The following SUPT3H variants were observed in gnomAD, a reference collection of about 807,000 sequenced individuals.
SUPT3H encodes the protein transcription initiation protein SPT3 homolog.
Under a neutral mutation model 44.3 loss-of-function variants are expected in SUPT3H, and 44 were observed. That is an observed-to-expected ratio of 0.99 (90% CI 0.78 to 1.28). SUPT3H has a LOEUF of 1.28. Ranked by LOEUF, SUPT3H falls within the 50% of genes most tolerant of loss-of-function variation. The pLI is 0.00. For synonymous variants in SUPT3H, 124 were observed against 125.6 expected, an observed-to-expected ratio of 0.99 and a Z score of 0.09; for missense variants, 380 against 387.1, an observed-to-expected ratio of 0.98 and a Z score of 0.15.
intron 2 of SUPT3H, among the ~76,000 whole-genome samples, chr6:45,124,492 A>G (rs1802130469): frequency 6.6e-6 from 1 of 151,890 alleles, no homozygotes; most frequent in South Asian, 2.1e-4. Flanking sequence ...TAAAAATACA[A>G]AAATTAGCTG....
At chr6:45,024,743 T>G (rs1785697058) in intron 3 of SUPT3H, among the ~76,000 whole-genome samples, 1 of 152,148 alleles carries the variant, frequency 6.6e-6, no homozygotes, top group South Asian at 2.1e-4. Context: ...TGGATGAGAT[T>G]AACAGTTCAA....
chr6:45,088,699 C>T (rs1796776350), intron 3 of SUPT3H, among the ~76,000 whole-genome samples: 1 of 151,988 alleles, frequency 6.6e-6, no homozygotes, highest in Non-Finnish European at 1.5e-5. Flanking sequence ...AGGGGAGTCA[C>T]ATCTAGAACA....
chr6:45,061,133 A>G (rs1310616432), intron 3 of SUPT3H, among the ~76,000 whole-genome samples: 1 of 152,210 alleles, frequency 6.6e-6, no homozygotes, highest in African/African-American at 2.4e-5. Context: ...TCAATTATAA[A>G]GATACATGCA....
chr6:45,177,491 C>T (rs1812187858), intron 2 of SUPT3H, among the ~76,000 whole-genome samples: 1 of 152,204 alleles, frequency 6.6e-6, no homozygotes. Flanking sequence ...TTGGAAAACA[C>T]TCTGCAGGAT....
At chr6:45,219,146 GA>G (rs538200297) in intron 2 of SUPT3H, among the ~76,000 whole-genome samples, 13 of 150,772 alleles carry the variant, frequency 8.6e-5, no homozygotes, top group African/African-American at 2.9e-4. Flanking sequence ...GCTTACATTA[GA>G]AAAAAAAGTC....
At chr6:45,333,326 A>G (rs1787895834) in intron 2 of SUPT3H, among the ~76,000 whole-genome samples, 1 of 151,576 alleles carries the variant, frequency 6.6e-6, no homozygotes, top group Non-Finnish European at 1.5e-5. Flanking sequence ...TGTCCATTCA[A>G]CAGCACATAC....
chr6:45,326,506 G>A (rs1786368590), intron 2 of SUPT3H, among the ~76,000 whole-genome samples: 1 of 151,830 alleles, frequency 6.6e-6, no homozygotes, highest in Non-Finnish European at 1.5e-5. Context: ...ACCTTTCAAT[G>A]TAAAATCTGT....
chr6:44,856,224 T>C (rs1445163365), intron 10 of SUPT3H, among the ~76,000 whole-genome samples: 1 of 152,170 alleles, frequency 6.6e-6, no homozygotes, highest in Admixed American at 6.5e-5. Flanking sequence ...ATGGTGTTTA[T>C]CTTTCAACAA....
intron 2 of SUPT3H, among the ~76,000 whole-genome samples, chr6:45,245,479 T>C (rs1771178215): frequency 6.6e-6 from 1 of 152,116 alleles, no homozygotes; most frequent in Non-Finnish European, 1.5e-5. Context: ...GGTAATCTAC[T>C]TTCTGTCACT....
intron 9 of SUPT3H, among the ~76,000 whole-genome samples, chr6:44,949,035 T>C (rs1255829808): frequency 5.9e-5 from 9 of 152,192 alleles, no homozygotes; most frequent in Admixed American, 5.9e-4. Flanking sequence ...ATGTGGCACA[T>C]ATACACCATG....
At chr6:44,984,015 T>C (rs1779443922) in intron 6 of SUPT3H, among the ~76,000 whole-genome samples, 1 of 152,208 alleles carries the variant, frequency 6.6e-6, no homozygotes, top group East Asian at 1.9e-4. Context: ...ATATATGGCA[T>C]ATTATGAATA....
intron 3 of SUPT3H, among the ~76,000 whole-genome samples, chr6:45,039,913 G>T (rs890414495): frequency 8.6e-5 from 13 of 151,882 alleles, no homozygotes; most frequent in African/African-American, 3.1e-4. Flanking sequence ...TGCACAAGAT[G>T]TTCCAGATTA....
chr6:44,991,989 G>A (rs909021452), intron 6 of SUPT3H, among the ~76,000 whole-genome samples: 1 of 152,072 alleles, frequency 6.6e-6, no homozygotes, highest in Non-Finnish European at 1.5e-5. Flanking sequence ...TGGGTAAGGA[G>A]AAAGAATAGG....
At chr6:45,177,082 T>G (rs946771274) in intron 2 of SUPT3H, among the ~76,000 whole-genome samples, 106 of 150,374 alleles carry the variant, frequency 7.0e-4, no homozygotes, top group Middle Eastern at 3.4e-3. Flanking sequence ...TGACTTTGAC[T>G]AGCTGAGAGA....
intron 11 of SUPT3H, among the ~76,000 whole-genome samples, chr6:44,821,026 T>G (rs1265767007): frequency 6.6e-6 from 1 of 152,156 alleles, no homozygotes; most frequent in Non-Finnish European, 1.5e-5. Flanking sequence ...ACTTTTTTAA[T>G]TTTTTGTAGA....
intron 2 of SUPT3H, among the ~76,000 whole-genome samples, chr6:45,291,262 G>A (rs1484775017): frequency 4.6e-5 from 7 of 152,134 alleles, no homozygotes; most frequent in Admixed American, 3.3e-4. Flanking sequence ...ACTACATCAA[G>A]GGAACACCTC....
At chr6:44,976,581 T>G (rs184748551) in intron 6 of SUPT3H, among the ~76,000 whole-genome samples, 102 of 152,244 alleles carry the variant, frequency 6.7e-4, no homozygotes, top group African/African-American at 2.4e-3. Context: ...TAGGCTGGTT[T>G]CAAACTCCTG....
intron 3 of SUPT3H, among the ~76,000 whole-genome samples, chr6:45,074,051 A>G (rs1195602360): frequency 1.3e-5 from 2 of 152,016 alleles, no homozygotes; most frequent in Non-Finnish European, 2.9e-5. Context: ...TTAAAGGAGG[A>G]AAGAGAATAA....
rs34985613 is a variant in SUPT3H, at chr6:44,867,965, AT to A, written c.913-38109del. On this transcript the variant is annotated intron_variant, in intron 10 of 10. Coordinates refer to ENST00000371459, the MANE Select transcript of SUPT3H (RefSeq NM_003599.4). Reference sequence around the variant, plus strand: ...TCCCTACCTTCTCAACCATTTTGGTATTTTTTTTTTTTTCTCCCATGCTAAC... The same window carrying A: ...TCCCTACCTTCTCAACCATTTTGGTATTTTTTTTTTTTCTCCCATGCTAAC... 5.1e-3 allele frequency among the ~76,000 whole-genome samples: 739 copies of A among 146,126 alleles called. 8 individuals are homozygous for A. Among genetic ancestry groups the A allele is most frequent in the African/African-American group, 0.017 (685 of 39,724 alleles).
Sources: gnomAD v4.1 joint callset for allele counts (sites outside exome capture counted in the v4.1 genomes callset) on GRCh38, gnomAD v4.1.1 for gene constraint, MANE v1.5 for transcripts, NCBI Gene and HGNC (gene_info 2026-07-23, HGNC 2026-07-21) for gene names.